The following MRTFB variants were observed in gnomAD, a reference collection of about 807,000 sequenced individuals.
The protein encoded by MRTFB is myocardin-related transcription factor B.
In MRTFB, 29 loss-of-function variants were observed where a neutral mutation model predicts 104.2. The observed-to-expected ratio is 0.28, with a 90% CI of 0.21 to 0.38. MRTFB has a LOEUF of 0.38. Among genes scored for constraint, MRTFB ranks in the 10% least tolerant of loss-of-function variants. The pLI is 1.00. For synonymous variants in MRTFB, 535 were observed against 519.5 expected (o/e 1.03, Z -0.41); for missense variants, 1,270 against 1,341.6 (o/e 0.95, Z 0.83).
At chr16:14,155,893 T>A (rs2038808614) in intron 3 of MRTFB, among the ~76,000 whole-genome samples, 1 of 152,312 alleles carries the variant, frequency 6.6e-6, no homozygotes, top group Admixed American at 6.5e-5. Flanking sequence ...TTAGGCAGGT[T>A]TCTGGAACTC....
the MRTFB span, among the ~76,000 whole-genome samples, chr16:14,041,755 C>T: frequency 3.3e-5 from 5 of 151,870 alleles, no homozygotes; most frequent in African/African-American, 1.2e-4. Context: ...GGAGAAACCC[C>T]GTCTCTACTA....
At chr16:14,082,752 G>T (rs1239025970) in intron 2 of MRTFB, among the ~76,000 whole-genome samples, 2 of 152,144 alleles carry the variant, frequency 1.3e-5, no homozygotes, top group Admixed American at 6.5e-5. Context: ...CAGCACTCCA[G>T]CCTGGGCAAA....
intron 3 of MRTFB, among the ~76,000 whole-genome samples, chr16:14,146,742 C>T (rs994244764): frequency 3.3e-5 from 5 of 152,168 alleles, no homozygotes; most frequent in African/African-American, 1.2e-4. Context: ...TTCTCATTAA[C>T]CTGCTAGGCT....
chr16:14,145,000 A>G (rs1415729919), intron 3 of MRTFB, among the ~76,000 whole-genome samples: 10 of 105,446 alleles, frequency 9.5e-5, no homozygotes, highest in East Asian at 7.7e-4. Context: ...ATATATGTAT[A>G]TATATATATA....
chr16:14,122,092 C>T (rs1167846655), intron 2 of MRTFB, among the ~76,000 whole-genome samples: 2 of 152,022 alleles, frequency 1.3e-5, no homozygotes, highest in Admixed American at 6.6e-5. Flanking sequence ...CAGGCTGCCT[C>T]CACTCTCCCT....
intron 3 of MRTFB, among the ~76,000 whole-genome samples, chr16:14,180,928 A>G (rs930937731): frequency 4.6e-5 from 7 of 152,204 alleles, no homozygotes; most frequent in Admixed American, 1.3e-4. Context: ...GCAGTGCTTA[A>G]CTGTGAAACA....
At chr16:14,134,412 T>A (rs548336443) in intron 2 of MRTFB, among the ~76,000 whole-genome samples, 7 of 152,380 alleles carry the variant, frequency 4.6e-5, no homozygotes, top group African/African-American at 1.7e-4. Flanking sequence ...TCTACTACTG[T>A]AGATTTCATT....
At chr16:14,248,123 G>T (rs2043102390) in intron 12 of MRTFB, 1 of 152,670 alleles carries the variant, frequency 6.6e-6, no homozygotes, top group African/African-American at 2.4e-5. Flanking sequence ...GGATGTAATT[G>T]AAAGAGATGA....
Position 14,117,298 on chromosome 16 carries a change from A to T in MRTFB, c.-63-23246A>T, listed in dbSNP as rs1014422793. Among the ~76,000 whole-genome samples the T allele has an allele frequency of 6.6e-5, 10 of 152,374 alleles. No individual in the cohort carries two copies. The East Asian group carries it at 1.3e-3, about 21-fold the overall frequency. ...CAGTCCTTGCCCTCAAGGCGCTCCC[A>T]GCCCAGTGAGAAAGACACTGGTGGG... On this transcript the variant is annotated intron_variant, in intron 2 of 16. Coordinates refer to ENST00000571589, the MANE Select transcript of MRTFB (RefSeq NM_001308142.2).
chr16:14,161,470 C>T (rs2039035583), intron 3 of MRTFB, among the ~76,000 whole-genome samples: 1 of 152,032 alleles, frequency 6.6e-6, no homozygotes. Context: ...AAAAATCCAA[C>T]TATAAAAGAT....
chr16:14,200,529 G>T, intron 3 of MRTFB: 2 of 1,609,330 alleles, frequency 1.2e-6, no homozygotes, highest in South Asian at 1.1e-5. Flanking sequence ...GAATTGCTCA[G>T]CAGCAGCTTT....
intron 2 of MRTFB, among the ~76,000 whole-genome samples, chr16:14,128,265 C>T (rs775160612): frequency 2.6e-5 from 4 of 152,026 alleles, no homozygotes; most frequent in African/African-American, 7.2e-5. Flanking sequence ...ATGGTGTTAG[C>T]GTGATCTGAG....
At chr16:14,116,185 A>G (rs1012777056) in intron 2 of MRTFB, among the ~76,000 whole-genome samples, 1 of 151,540 alleles carries the variant, frequency 6.6e-6, no homozygotes, top group Non-Finnish European at 1.5e-5. Flanking sequence ...TCTTGCAAAC[A>G]TATTTCTTCT....
chr16:14,024,500 C>G, the MRTFB span, among the ~76,000 whole-genome samples: 1 of 152,272 alleles, frequency 6.6e-6, no homozygotes, highest in Admixed American at 6.5e-5. Context: ...GGCAGCCTGG[C>G]AGTAGCTATT....
At chr16:14,063,927 C>T in the MRTFB span, among the ~76,000 whole-genome samples, 6 of 152,198 alleles carry the variant, frequency 3.9e-5, 1 homozygote, top group Non-Finnish European at 8.8e-5. Flanking sequence ...AACAGTGCTG[C>T]AATGAACATA....
At chr16:14,132,223 G>A (rs1297076116) in intron 2 of MRTFB, among the ~76,000 whole-genome samples, 4 of 152,008 alleles carry the variant, frequency 2.6e-5, no homozygotes, top group African/African-American at 7.2e-5. Flanking sequence ...GTCTGGGACA[G>A]ACAAATCCAT....
intron 2 of MRTFB, among the ~76,000 whole-genome samples, chr16:14,135,336 A>G (rs1312959762): frequency 6.6e-6 from 1 of 152,250 alleles, no homozygotes; most frequent in Non-Finnish European, 1.5e-5. Context: ...CATTGGTCCC[A>G]TACAATTATA....
chr16:14,190,857 T>A (rs1688955887), intron 3 of MRTFB, among the ~76,000 whole-genome samples: 1 of 151,604 alleles, frequency 6.6e-6, no homozygotes, highest in South Asian at 2.1e-4. Context: ...TGGGGAGGAG[T>A]TACAGACTTG....
At chr16:14,032,204 CT>C in the MRTFB span, among the ~76,000 whole-genome samples, 1 of 152,212 alleles carries the variant, frequency 6.6e-6, no homozygotes, top group Non-Finnish European at 1.5e-5. Flanking sequence ...ATATTTGGAG[CT>C]TTCAGCCTCA....
Sources: allele counts gnomAD v4.1 joint callset (sites outside exome capture counted in the v4.1 genomes callset), GRCh38; gene constraint gnomAD v4.1.1; transcripts MANE v1.5; gene names NCBI Gene and HGNC (gene_info 2026-07-23, HGNC 2026-07-21).